TRIP13: variants seen among roughly 807,000 people sequenced by gnomAD.
TRIP13 encodes thyroid hormone receptor interactor 13, also known as pachytene checkpoint protein 2 homolog.
Under a neutral mutation model 54.4 loss-of-function variants are expected in TRIP13, and 25 were observed. The ratio of observed to expected loss-of-function variants is 0.46; its 90% CI spans 0.33 to 0.64. The LOEUF (loss-of-function observed/expected upper bound fraction) is 0.64. Among genes scored for constraint, TRIP13 ranks in the 30% least tolerant of loss-of-function variants. The probability of loss-of-function intolerance (pLI) is 0.02; values close to 1 mark genes in which losing one functional copy is unlikely to be tolerated. For synonymous variants in TRIP13, 207 were observed against 207.8 expected (o/e 1.00, Z 0.03); for missense variants, 373 against 534.2 (o/e 0.70, Z 2.97).
Position 900,558 on chromosome 5 carries a change from C to T in TRIP13, c.444+9C>T, listed in dbSNP as rs1753962089. Reference sequence around the variant, plus strand: ...TGGAAGTCAAATCCCATGTAAGTTGCTGTGCCTTTTCCCAGAATGCCCTGT... The same window carrying T: ...TGGAAGTCAAATCCCATGTAAGTTGTTGTGCCTTTTCCCAGAATGCCCTGT... On this transcript the variant is annotated intron_variant, in intron 4 of 12. Coordinates refer to ENST00000166345, the MANE Select transcript of TRIP13 (RefSeq NM_004237.4). 6.2e-7 allele frequency: 1 copy of T among 1,610,516 alleles called. No homozygotes were observed. The highest frequency in any genetic ancestry group is 1.3e-5 in the African/African-American group (1 of 74,692).
chr5:907,297 G>C lies in TRIP13; in HGVS notation c.672+104G>C, dbSNP rs113956098. 1.5e-4 allele frequency: 161 copies of C among 1,045,796 alleles called. No homozygotes were observed. The African/African-American group carries it at 2.0e-3, about 13-fold the overall frequency. 64.8% of individuals were successfully genotyped at this position (1,045,796 alleles called of 1,614,324 possible). On this transcript the variant is annotated intron_variant, in intron 7 of 12. Transcript: ENST00000166345. The surrounding 1 kb of genome is among the most constrained non-coding windows in gnomAD (Gnocchi z 4.1). The stretch of plus-strand genomic sequence containing the variant: ...CAGAAGCTTCAGGAGAGAACTGGGT[G>C]GGAAGGGTGTGTGAGGATTGGGGCT...
Position 900,535 on chromosome 5 carries a change from G to C in TRIP13, c.430G>C (p.Glu144Gln). ...GLWDSLVYDV[E>Q]VKSHLLDYVM... is the part of the protein sequence containing the mutation. ...TTGGGACAGCTTGGTATACGATGTGGAAGTCAAATCCCATGTAAGTTGCTG... is the reference window on the plus strand; with the variant it reads ...TTGGGACAGCTTGGTATACGATGTGCAAGTCAAATCCCATGTAAGTTGCTG... Residue 144 changes from glutamate (E) to glutamine (Q), a missense_variant, in exon 4 of 13, where the codon GAA becomes CAA. Glu to Gln is a conservative substitution (Grantham distance 29). Transcript: ENST00000166345. 1 of 1,611,922 alleles carries C rather than the reference G, an allele frequency of 6.2e-7. No individual in the cohort carries two copies. The highest frequency in any genetic ancestry group is 8.5e-7 in the Non-Finnish European group (1 of 1,179,552).
At position 892,990 on chromosome 5, in the gene TRIP13, G is replaced by A. The variant is rs1476325040; in HGVS notation, c.-9G>A. 1.3e-6 allele frequency: 2 copies of A among 1,564,910 alleles called. No individual in the cohort carries two copies. Among genetic ancestry groups the A allele is most frequent in the South Asian group, 2.3e-5 (2 of 85,248 alleles). On this transcript the variant is annotated 5_prime_UTR_variant, in exon 1 of 13. Coordinates refer to ENST00000166345, the MANE Select transcript of TRIP13 (RefSeq NM_004237.4). ...CCCTGGTTGGGTCCCCACTGCTCTC[G>A]GGGGCGCCATGGACGAGGCCGTGGG...
Position 912,002 on chromosome 5 carries a change from T to G in TRIP13, c.1020+6T>G. The G allele has an allele frequency of 6.3e-7, 1 of 1,594,202 alleles. No individual in the cohort carries two copies. The highest frequency in any genetic ancestry group is 1.1e-5 in the South Asian group (1 of 87,468). On this transcript the variant is annotated splice_donor_region_variant and intron_variant, in intron 10 of 12. Coordinates refer to ENST00000166345, the MANE Select transcript of TRIP13 (RefSeq NM_004237.4). The surrounding 1 kb of genome is among the most constrained non-coding windows in gnomAD (Gnocchi z 7.2). ...GTTTGGAAGAACTGATGAAGGTACC[T>G]TTATTTTTTTTTTCCTCTTGATACA...
chr5:916,140 G>A (rs1400039611), intron 12 of TRIP13, among the ~76,000 whole-genome samples, 167 bp downstream of exon 12: 2 of 152,218 alleles, frequency 1.3e-5, no homozygotes, highest in African/African-American at 2.4e-5. Context: ...AAACACAGGG[G>A]CTGTCTTGAG....
Position 917,614 on chromosome 5 carries a change from T to G in TRIP13, c.*511T>G, listed in dbSNP as rs1234403331. ...AGTGCAAAAATGTTTTCAAGACTATTTAATGGATGTAAAAAAGCCTATTTC... is the reference window on the plus strand; with the variant it reads ...AGTGCAAAAATGTTTTCAAGACTATGTAATGGATGTAAAAAAGCCTATTTC... On this transcript the variant is annotated 3_prime_UTR_variant, in exon 13 of 13. Transcript: ENST00000166345. 6.6e-6 allele frequency: 1 copy of G among 152,550 alleles called. No individual in the cohort carries two copies. The highest frequency in any genetic ancestry group is 2.4e-5 in the African/African-American group (1 of 41,462). 9.4% of individuals were successfully genotyped at this position (152,550 alleles called of 1,614,324 possible).
chr5:908,227 A>C lies in TRIP13; in HGVS notation c.760-128A>C. On this transcript the variant is annotated intron_variant, in intron 8 of 12. Coordinates refer to ENST00000166345, the MANE Select transcript of TRIP13 (RefSeq NM_004237.4). This position sits in a 1 kb window ranked among gnomAD's most constrained non-coding sequence, Gnocchi z 5.2. ...GTGCGCCTTTCCACCTTGCCGCAGCATCCGCAGGCTAGGCACGGGAACACC... is the reference window on the plus strand; with the variant it reads ...GTGCGCCTTTCCACCTTGCCGCAGCCTCCGCAGGCTAGGCACGGGAACACC... 1 of 1,399,354 alleles carries C rather than the reference A, an allele frequency of 7.1e-7. No individual in the cohort carries two copies. The highest frequency in any genetic ancestry group is 1.0e-6 in the Non-Finnish European group (1 of 1,001,152). 86.7% of individuals were successfully genotyped at this position (1,399,354 alleles called of 1,614,324 possible). A position where few individuals can be genotyped will look rare whatever the true frequency, so the allele number is the denominator to read the frequency against.
In TRIP13 at chr5:907,200, AT is replaced by A; in HGVS notation, c.672+9del. The A allele has an allele frequency of 6.2e-7, 1 of 1,606,768 alleles. No homozygotes were observed. Among genetic ancestry groups the A allele is most frequent in the Non-Finnish European group, 8.5e-7 (1 of 1,173,424 alleles). On this transcript the variant is annotated splice_region_variant and intron_variant, in intron 7 of 12. Coordinates refer to ENST00000166345, the MANE Select transcript of TRIP13 (RefSeq NM_004237.4). This position sits in a 1 kb window ranked among gnomAD's most constrained non-coding sequence, Gnocchi z 4.1. ...TTCTAAGTGGTTTTCGGAAGTAAGT[AT>A]TAAATATTAATTCTAATTGTCTGGA...
chr5:915,061 G>A lies in TRIP13; in HGVS notation c.1133+484G>A, dbSNP rs1754317025. Among the ~76,000 whole-genome samples the A allele has an allele frequency of 6.6e-6, 1 of 152,090 alleles. No homozygotes were observed. Among genetic ancestry groups the A allele is most frequent in the South Asian group, 2.1e-4 (1 of 4,828 alleles). ...GCTGGGGAGGTGCCGGAGAGGCGGG[G>A]GGTGGAATGGACAGAGCCTCGGGTT... On this transcript the variant is annotated intron_variant, in intron 11 of 12. Coordinates refer to ENST00000166345, the MANE Select transcript of TRIP13 (RefSeq NM_004237.4). The surrounding 1 kb of genome is among the most constrained non-coding windows in gnomAD (Gnocchi z 4.2).
rs1754056394 is a variant in TRIP13, at chr5:904,175, T to C, written c.563T>C (p.Leu188Pro). 2 of 1,609,666 alleles carry C rather than the reference T, an allele frequency of 1.2e-6. No individual in the cohort carries two copies. Among genetic ancestry groups the C allele is most frequent in the African/African-American group, 1.3e-5 (1 of 74,774 alleles). The change falls in exon 6 of 13, where the codon CTG (leucine) becomes CCG (proline). Residue 188 changes from leucine (L) to proline (P), a missense_variant. Leu to Pro is a moderately conservative substitution (Grantham distance 98, BLOSUM62 -3). This residue lies in a region of TRIP13 where 119 missense variants were observed against 223.0 expected (regional missense o/e 0.53). Coordinates refer to ENST00000166345, the MANE Select transcript of TRIP13 (RefSeq NM_004237.4). Reference sequence around the variant, plus strand: ...CCTCCTGGCACTGGAAAAACATCCCTGTGTAAAGCGTTAGCCCAGAAATTG... The same window carrying C: ...CCTCCTGGCACTGGAAAAACATCCCCGTGTAAAGCGTTAGCCCAGAAATTG... ...HGPPGTGKTS[L>P]CKALAQKLTI...
chr5:914,509 G>A lies in TRIP13; in HGVS notation c.1065G>A (p.Glu355=). ...YPRQQLLTLR[E]LEMIGFIENN... ...GCCAGCAGCTGCTGACCCTCCGAGA[G>A]CTAGAGATGATTGGCTTCATTGAAA... The change falls in exon 11 of 13, where the codon GAG becomes GAA. Residue 355 remains glutamate, a synonymous_variant. Coordinates refer to ENST00000166345, the MANE Select transcript of TRIP13 (RefSeq NM_004237.4). 1 of 1,613,612 alleles carries A rather than the reference G, an allele frequency of 6.2e-7. No individual in the cohort carries two copies. The highest frequency in any genetic ancestry group is 8.5e-7 in the Non-Finnish European group (1 of 1,179,952).
At chr5:900,432 A>G (rs1053866348) in intron 3 of TRIP13, 62 bp from the exon 4 acceptor site, 4 of 1,556,370 alleles carry the variant, frequency 2.6e-6, no homozygotes, top group African/African-American at 2.7e-5. Flanking sequence ...GGGGAGACTG[A>G]CTGGGGGTGG....
In TRIP13 at chr5:908,438, G is replaced by T; in HGVS notation, c.843G>T (p.Leu281Phe). 1.2e-6 allele frequency: 2 copies of T among 1,613,764 alleles called. No homozygotes were observed. The highest frequency in any genetic ancestry group is 2.2e-5 in the South Asian group (2 of 91,054). ...CCATCCGCGTGGTCAATGCTGTCTT[G>T]ACCCAAATTGATCAGATTAAAAGGT... ...SDAIRVVNAVLTQIDQIKRHS... is the reference protein window; with the variant it reads ...SDAIRVVNAVFTQIDQIKRHS... Residue 281 changes from leucine (L) to phenylalanine (F), a missense_variant, in exon 9 of 13, where the codon TTG becomes TTT. By Grantham distance (22) the Leu-to-Phe change is conservative (BLOSUM62 0). This residue lies in a region of TRIP13 where 119 missense variants were observed against 223.0 expected (regional missense o/e 0.53). Coordinates refer to ENST00000166345, the MANE Select transcript of TRIP13 (RefSeq NM_004237.4). This position sits in a 1 kb window ranked among gnomAD's most constrained non-coding sequence, Gnocchi z 5.2.
intron 11 of TRIP13, 124 bp downstream of exon 11, chr5:914,701 A>G: frequency 2.8e-6 from 2 of 720,344 alleles, no homozygotes; most frequent in Admixed American, 1.9e-5. Flanking sequence ...CAGTATAGGT[A>G]TGAACATGCA....
chr5:910,592 C>A (rs1754210227), intron 9 of TRIP13, among the ~76,000 whole-genome samples: 1 of 152,326 alleles, frequency 6.6e-6, no homozygotes, highest in Non-Finnish European at 1.5e-5. Flanking sequence ...GTGACTTCTC[C>A]CTGTCAGTCA....
In TRIP13 at chr5:911,599, C is replaced by T. The variant is rs866276251; in HGVS notation, c.867-244C>T. ...AAAAAAAAAAAAGGAAAGTGAGATCCTTGCCAAGGTTGAAGGCAGTGAGGG... is the reference window on the plus strand; with the variant it reads ...AAAAAAAAAAAAGGAAAGTGAGATCTTTGCCAAGGTTGAAGGCAGTGAGGG... On this transcript the variant is annotated intron_variant, in intron 9 of 12. Transcript: ENST00000166345. This position sits in a 1 kb window ranked among gnomAD's most constrained non-coding sequence, Gnocchi z 4.7. Among the ~76,000 whole-genome samples the T allele has an allele frequency of 5.3e-5, 8 of 151,924 alleles. No individual in the cohort carries two copies. The highest frequency in any genetic ancestry group is 1.9e-4 in the African/African-American group (8 of 41,458).
chr5:902,031 T>G (rs1301222964), intron 5 of TRIP13, among the ~76,000 whole-genome samples: 1 of 152,254 alleles, frequency 6.6e-6, no homozygotes, highest in Non-Finnish European at 1.5e-5. Flanking sequence ...TTATGTAGAC[T>G]ATTTTTTCCT....
intron 12 of TRIP13, among the ~76,000 whole-genome samples, chr5:916,534 G>C (rs1013423187): frequency 6.6e-6 from 1 of 152,262 alleles, no homozygotes. Context: ...ATCAGTAGCA[G>C]CCTCTGTGCT....
chr5:912,705 G>A lies in TRIP13; in HGVS notation c.1020+709G>A, dbSNP rs1169473706. 6.6e-6 allele frequency among the ~76,000 whole-genome samples: 1 copy of A among 151,934 alleles called. No homozygotes were observed. Among genetic ancestry groups the A allele is most frequent in the Non-Finnish European group, 1.5e-5 (1 of 67,990 alleles). On this transcript the variant is annotated intron_variant, in intron 10 of 12. Transcript: ENST00000166345. This position sits in a 1 kb window ranked among gnomAD's most constrained non-coding sequence, Gnocchi z 7.2. The stretch of plus-strand genomic sequence containing the variant: ...GCACAGTGACGCGTGTGGTGAGTGT[G>A]CGTGAGTCTGGAACGCCGTCGCCAT...
Sources: gnomAD v4.1 joint callset for allele counts (sites outside exome capture counted in the v4.1 genomes callset) on GRCh38, gnomAD v4.1.1 for gene constraint, gnomAD v4.1.1 regional missense constraint, Gnocchi (gnomAD v3.1) non-coding constraint, MANE v1.5 for transcripts, NCBI Gene and HGNC (gene_info 2026-07-23, HGNC 2026-07-21) for gene names.